PFKFB4: variants seen among roughly 807,000 people sequenced by gnomAD.
The protein encoded by PFKFB4 is 6-phosphofructo-2-kinase/fructose-2,6-bisphosphatase 4.
Under a neutral mutation model 62.8 loss-of-function variants are expected in PFKFB4, and 42 were observed. That is an observed-to-expected ratio of 0.67 (90% CI 0.52 to 0.86). PFKFB4 has a LOEUF of 0.86. Among genes scored for constraint, PFKFB4 ranks in the 40% least tolerant of loss-of-function variants. The pLI is 0.00. For missense variants in PFKFB4, 475 were observed against 627.2 expected, an observed-to-expected ratio of 0.76 and a Z score of 2.59; for synonymous variants, 204 against 240.7, an observed-to-expected ratio of 0.85 and a Z score of 1.41.
intron 1 of PFKFB4, among the ~76,000 whole-genome samples, chr3:48,555,498 C>G (rs1409058449): frequency 6.6e-6 from 1 of 152,230 alleles, no homozygotes; most frequent in African/African-American, 2.4e-5. Context: ...ATCTCCTGAT[C>G]TCCATTTCAC....
Position 48,523,642 on chromosome 3 carries a change from G to C in PFKFB4, c.1223-43C>G, listed in dbSNP as rs375955856. ...GATGGCTAGCACACCAGAAATGCCT[G>C]GTGACAGTGCCTACCTTCTCACACA... On this transcript the variant is annotated intron_variant, in intron 11 of 13. Coordinates refer to ENST00000232375, the MANE Select transcript of PFKFB4 (RefSeq NM_004567.4). 19 of 1,613,912 alleles carry C rather than the reference G, an allele frequency of 1.2e-5. No individual in the cohort carries two copies. In the African/African-American group the frequency reaches 2.5e-4, roughly 22 times the overall value.
At chr3:48,536,542 C>A in intron 7 of PFKFB4, 79 bp from the exon 8 acceptor site, 5 of 1,168,404 alleles carry the variant, frequency 4.3e-6, no homozygotes, top group Non-Finnish European at 6.2e-6. Context: ...GCCACGGAAT[C>A]TAGCTGCGAG....
At chr3:48,561,253 C>A (rs2043429725), upstream of PFKFB4, 3 of 336,394 alleles carry the variant, frequency 8.9e-6, no homozygotes, top group South Asian at 4.8e-5. The surrounding 1 kb of genome is among the most constrained non-coding windows in gnomAD (Gnocchi z 5.2). Flanking sequence ...GGCCCGCCCC[C>A]ACAGGGCTGC....
At chr3:48,531,508 T>C (rs2042426250) in intron 9 of PFKFB4, among the ~76,000 whole-genome samples, 1 of 150,530 alleles carries the variant, frequency 6.6e-6, no homozygotes, top group African/African-American at 2.4e-5. Flanking sequence ...TGGCGTGATC[T>C]CAGCTCACCA....
intron 1 of PFKFB4, among the ~76,000 whole-genome samples, chr3:48,551,214 CTTT>C (rs773561800): frequency 7.4e-6 from 1 of 135,070 alleles, no homozygotes. Flanking sequence ...GCTCACTTTT[CTTT>C]TTTTTTTTTT....
In PFKFB4 at chr3:48,539,573, CA is replaced by C. The variant is rs2042738503; in HGVS notation, c.453+123del. 1.2e-5 allele frequency: 11 copies of C among 888,746 alleles called. No homozygotes were observed. In the South Asian group the frequency reaches 1.5e-4, roughly 12 times the overall value. 55.1% of individuals were successfully genotyped at this position (888,746 alleles called of 1,614,324 possible). On this transcript the variant is annotated intron_variant, in intron 5 of 13. Coordinates refer to ENST00000232375, the MANE Select transcript of PFKFB4 (RefSeq NM_004567.4). ...CAAGTGGAGACAGCCCCTCTCATCC[CA>C]AATTACACTCAGGAGCCATGCCAGC...
chr3:48,528,979 T>C (rs1292271522), intron 9 of PFKFB4, among the ~76,000 whole-genome samples: 1 of 152,182 alleles, frequency 6.6e-6, no homozygotes, highest in Admixed American at 6.6e-5. Context: ...GTGGTGATGG[T>C]TGCACAACTC....
chr3:48,523,013 G>A (rs1257013650), intron 12 of PFKFB4, among the ~76,000 whole-genome samples: 6 of 151,444 alleles, frequency 4.0e-5, no homozygotes, highest in East Asian at 3.9e-4. Flanking sequence ...CACCCACCTC[G>A]GCCTCCCAAA....
In PFKFB4 at chr3:48,519,483, G is replaced by A; in HGVS notation, c.*264C>T. On this transcript the variant is annotated 3_prime_UTR_variant, in exon 14 of 14. Transcript: ENST00000232375. ...AAGAGCTGCGCCGGAAGAAACTGGG[G>A]CTGGGCAACCTCCGCGCAGCCCATG... 2.1e-6 allele frequency: 1 copy of A among 468,080 alleles called. No individual in the cohort carries two copies. The highest frequency in any genetic ancestry group is 3.9e-6 in the Non-Finnish European group (1 of 259,336). 29.0% of individuals were successfully genotyped at this position (468,080 alleles called of 1,614,324 possible).
intron 7 of PFKFB4, among the ~76,000 whole-genome samples, chr3:48,537,572 G>A (rs1249580745): frequency 7.1e-6 from 1 of 141,040 alleles, no homozygotes; most frequent in Non-Finnish European, 1.5e-5. Flanking sequence ...CACCCAGGCT[G>A]GAATGCAGTG....
chr3:48,557,973 A>G (rs1316518174), upstream of PFKFB4, among the ~76,000 whole-genome samples: 1 of 152,128 alleles, frequency 6.6e-6, no homozygotes, highest in Non-Finnish European at 1.5e-5. Flanking sequence ...AAAGTTTTAC[A>G]TATTTTTTGA....
chr3:48,534,044 A>C (rs2042514972), intron 9 of PFKFB4, among the ~76,000 whole-genome samples: 1 of 152,202 alleles, frequency 6.6e-6, no homozygotes, highest in Non-Finnish European at 1.5e-5. Flanking sequence ...AAAGGAACAA[A>C]ATGAAATTCC....
At chr3:48,557,013 A>G, upstream of PFKFB4, 1 of 1,330,406 alleles carries the variant, frequency 7.5e-7, no homozygotes, top group South Asian at 1.7e-5. Context: ...AAGTGGGCCC[A>G]GTTCTTCAGG....
In PFKFB4 at chr3:48,549,887, A is replaced by C; in HGVS notation, c.288T>G (p.Asn96Lys). The C allele has an allele frequency of 6.2e-7, 1 of 1,612,016 alleles. No homozygotes were observed. Among genetic ancestry groups the C allele is most frequent in the Non-Finnish European group, 8.5e-7 (1 of 1,178,190 alleles). The change falls in exon 3 of 14, where the codon AAT becomes AAG. Residue 96 changes from asparagine to lysine, a missense_variant. Physicochemically the swap from Asn to Lys is moderately conservative, Grantham distance 94 (BLOSUM62 0). Coordinates refer to ENST00000232375, the MANE Select transcript of PFKFB4 (RefSeq NM_004567.4). ...YKSFEFFLPD[N>K]EEGLKIRKQC... ...ACTTCCTGATTTTCAGGCCCTCTTC[A>C]TTGTCGGGGAGAAAAAATTCAAAAG...
At chr3:48,561,288 T>C, upstream of PFKFB4, 1 of 280,908 alleles carries the variant, frequency 3.6e-6, no homozygotes, top group Non-Finnish European at 7.0e-6. This position sits in a 1 kb window ranked among gnomAD's most constrained non-coding sequence, Gnocchi z 5.2. Context: ...GCAGCGCCAG[T>C]GCCCCCACTC....
intron 4 of PFKFB4, among the ~76,000 whole-genome samples, chr3:48,541,548 G>C (rs916595242): frequency 6.6e-6 from 1 of 152,168 alleles, no homozygotes; most frequent in African/African-American, 2.4e-5. Flanking sequence ...TGGGATTACA[G>C]GCATGAGCCA....
chr3:48,559,389 G>T, upstream of PFKFB4: 1 of 391,978 alleles, frequency 2.6e-6, no homozygotes, highest in Non-Finnish European at 5.2e-6. Context: ...GTCAGGAAGA[G>T]GGAGAAGGGT....
intron 1 of PFKFB4, 88 bp from the exon 2 acceptor site, chr3:48,550,322 G>A: frequency 1.2e-6 from 1 of 836,474 alleles, no homozygotes; most frequent in Non-Finnish European, 2.1e-6. Context: ...TCAGCCTCAG[G>A]GCATGGGACT....
intron 9 of PFKFB4, among the ~76,000 whole-genome samples, chr3:48,532,493 T>C (rs564039972): frequency 1.3e-5 from 2 of 152,308 alleles, no homozygotes; most frequent in African/African-American, 2.4e-5. Flanking sequence ...AAGTGTCCAT[T>C]GGCAGATGAA....
Sources: gnomAD v4.1 joint callset for allele counts (sites outside exome capture counted in the v4.1 genomes callset) on GRCh38, gnomAD v4.1.1 for gene constraint, Gnocchi (gnomAD v3.1) non-coding constraint, MANE v1.5 for transcripts, NCBI Gene and HGNC (gene_info 2026-07-23, HGNC 2026-07-21) for gene names.